The following PCNX1 variants were observed in gnomAD, a reference collection of about 807,000 sequenced individuals.
PCNX1 encodes pecanex-like protein 1.
Under a neutral mutation model 242.2 loss-of-function variants are expected in PCNX1, and 78 were observed. That is an observed-to-expected ratio of 0.32 (90% CI 0.27 to 0.39). PCNX1 has a LOEUF of 0.39. Among genes scored for constraint, PCNX1 ranks in the 10% least tolerant of loss-of-function variants. PCNX1 has a pLI of 1.00. For synonymous variants in PCNX1, 1,024 were observed against 1,032.9 expected, an observed-to-expected ratio of 0.99 and a Z score of 0.17; for missense variants, 2,581 against 2,856.5, an observed-to-expected ratio of 0.90 and a Z score of 2.20.
chr14:70,988,476 T>G, intron 6 of PCNX1, 91 bp from the exon 7 acceptor site: 2 of 1,335,294 alleles, frequency 1.5e-6, no homozygotes, highest in Non-Finnish European at 2.1e-6. Flanking sequence ...ACTTTACCCA[T>G]GAGGGTGGGA....
chr14:70,968,771 T>C (rs909958334), intron 4 of PCNX1, among the ~76,000 whole-genome samples: 5 of 152,228 alleles, frequency 3.3e-5, no homozygotes, highest in Non-Finnish European at 7.3e-5. Flanking sequence ...GAAATAGTTT[T>C]ATTAGTTTAC....
intron 8 of PCNX1, among the ~76,000 whole-genome samples, chr14:71,006,316 A>T (rs2059666793): frequency 6.6e-6 from 1 of 152,082 alleles, no homozygotes; most frequent in Admixed American, 6.6e-5. Context: ...GTGTCTTTAG[A>T]GATGCAGTCC....
At chr14:71,072,869 G>A (rs1566775492) in intron 26 of PCNX1, among the ~76,000 whole-genome samples, 1 of 152,038 alleles carries the variant, frequency 6.6e-6, no homozygotes, top group South Asian at 2.1e-4. Flanking sequence ...ACTGGTTTTT[G>A]TATTTCTAAA....
intron 26 of PCNX1, among the ~76,000 whole-genome samples, chr14:71,061,642 C>T (rs1255467698): frequency 6.6e-6 from 1 of 152,200 alleles, no homozygotes; most frequent in East Asian, 1.9e-4. Flanking sequence ...AAGAACCTTG[C>T]TTAGGGTGAT....
chr14:71,000,857 G>A (rs537009751), intron 8 of PCNX1, among the ~76,000 whole-genome samples: 1 of 152,136 alleles, frequency 6.6e-6, no homozygotes, highest in African/African-American at 2.4e-5. Context: ...GCTGCATAAT[G>A]TTTTGTCACT....
intron 26 of PCNX1, among the ~76,000 whole-genome samples, chr14:71,058,289 T>C (rs2141251676): frequency 6.6e-6 from 1 of 152,342 alleles, no homozygotes; most frequent in Non-Finnish European, 1.5e-5. Flanking sequence ...AATAAAACGG[T>C]GTACCCATTA....
At chr14:70,980,052 C>G (rs965198088) in intron 6 of PCNX1, among the ~76,000 whole-genome samples, 2 of 151,284 alleles carry the variant, frequency 1.3e-5, no homozygotes, top group Admixed American at 6.6e-5. Context: ...TGCAAGAAAC[C>G]ATTGGATTTT....
intron 3 of PCNX1, among the ~76,000 whole-genome samples, chr14:70,967,267 C>T (rs2058408369): frequency 1.3e-5 from 2 of 152,128 alleles, no homozygotes; most frequent in Admixed American, 6.5e-5. Flanking sequence ...GTGATATACA[C>T]CTACTAAATC....
chr14:71,091,449 A>G (rs767329676), intron 30 of PCNX1, among the ~76,000 whole-genome samples: 1 of 152,202 alleles, frequency 6.6e-6, no homozygotes, highest in Non-Finnish European at 1.5e-5. Flanking sequence ...CTTGAACAAC[A>G]CAGGTTTGAA....
In PCNX1 at chr14:70,931,983, C is replaced by T. The variant is rs147852459; in HGVS notation, c.154-14932C>T. ...TACTAAAAATACAAAATTAGCTGGG[C>T]GTGGTGGCACATACCTGTTATCTGT... On this transcript the variant is annotated intron_variant, in intron 1 of 35. Transcript: ENST00000304743. Among the ~76,000 whole-genome samples the T allele has an allele frequency of 8.2e-3, 1,253 of 152,242 alleles. 8 individuals are homozygous for T. The highest frequency in any genetic ancestry group is 0.017 in the South Asian group (83 of 4,830).
intron 28 of PCNX1, among the ~76,000 whole-genome samples, chr14:71,076,914 AATTTTATTT>A (rs1480583488): frequency 1.3e-5 from 2 of 152,232 alleles, no homozygotes. Flanking sequence ...CCGAATTGTA[AATTTTATTT>A]AATTTTAACT....
At chr14:70,966,164 T>C (rs2058372041) in intron 3 of PCNX1, among the ~76,000 whole-genome samples, 1 of 152,218 alleles carries the variant, frequency 6.6e-6, no homozygotes, top group African/African-American at 2.4e-5. Flanking sequence ...TAAATAGTCA[T>C]GATTCTTTTT....
intron 26 of PCNX1, among the ~76,000 whole-genome samples, chr14:71,069,876 G>A (rs2061547337): frequency 6.6e-6 from 1 of 152,182 alleles, no homozygotes; most frequent in South Asian, 2.1e-4. Context: ...AATGAAGTTT[G>A]CTACATTTAT....
intron 1 of PCNX1, among the ~76,000 whole-genome samples, chr14:70,910,212 C>CCTCCTCCTT (rs2055827988): frequency 1.6e-5 from 1 of 63,266 alleles, no homozygotes; most frequent in Non-Finnish European, 3.6e-5. Context: ...TCCTCGTCCT[C>CCTCCTCCTT]CTCCTCCTCC....
chr14:71,008,604 C>G (rs868645962), intron 8 of PCNX1, among the ~76,000 whole-genome samples: 1 of 137,298 alleles, frequency 7.3e-6, no homozygotes, highest in South Asian at 2.3e-4. Flanking sequence ...TGCAGTGAGC[C>G]GAGATTGCGC....
rs750874123 is a variant in PCNX1 at position 70,977,888 on chromosome 14, G to A, written c.1551G>A (p.Lys517=). Reference sequence around the variant, plus strand: ...ACACTGCAGAAAACAAAGAAGAGAAGAGTGATAAGTCAGCTGTTTCTGTGG... The same window carrying A: ...ACACTGCAGAAAACAAAGAAGAGAAAAGTGATAAGTCAGCTGTTTCTGTGG... ...PGNTAENKEE[K]SDKSAVSVDS... is the part of the protein sequence containing the mutation. Residue 517 remains lysine (K), a synonymous_variant, in exon 6 of 36, where the codon AAG becomes AAA. Transcript: ENST00000304743. 7 of 1,614,090 alleles carry A rather than the reference G, an allele frequency of 4.3e-6. No individual in the cohort carries two copies. The highest frequency in any genetic ancestry group is 3.4e-6 in the Non-Finnish European group (4 of 1,180,012).
intron 2 of PCNX1, among the ~76,000 whole-genome samples, chr14:70,949,269 G>GCACACGTGTATA (rs1566608380): frequency 3.6e-5 from 1 of 27,840 alleles, no homozygotes; most frequent in Non-Finnish European, 1.0e-4. Context: ...ACACGTGTAT[G>GCACACGTGTATA]CACACACGTG....
At chr14:71,083,207 C>G (rs1595464455) in intron 28 of PCNX1, among the ~76,000 whole-genome samples, 1 of 152,226 alleles carries the variant, frequency 6.6e-6, no homozygotes, top group African/African-American at 2.4e-5. Context: ...TGTGCGGTTT[C>G]TGCAGAGAGA....
chr14:71,076,180 T>G lies in PCNX1; in HGVS notation c.5107-9T>G, dbSNP rs1566779881. Reference sequence around the variant, plus strand: ...CTGAATTCTTTTTTTTTTGTCTTGTTCATGTTAGGGTATCATTTATTATGT... The same window carrying G: ...CTGAATTCTTTTTTTTTTGTCTTGTGCATGTTAGGGTATCATTTATTATGT... On this transcript the variant is annotated splice_polypyrimidine_tract_variant and intron_variant, in intron 27 of 35. Transcript: ENST00000304743. The G allele has an allele frequency of 6.6e-7, 1 of 1,518,408 alleles. No individual in the cohort carries two copies. The allele number at this position is 1,518,408 out of a possible 1,614,324, so 94.1% of individuals were successfully genotyped here.
Sources: allele counts gnomAD v4.1 joint callset (sites outside exome capture counted in the v4.1 genomes callset), GRCh38; gene constraint gnomAD v4.1.1; transcripts MANE v1.5; gene names NCBI Gene and HGNC (gene_info 2026-07-23, HGNC 2026-07-21).